Variants in CLOCK observed in about 807,000 individuals in gnomAD.
CLOCK encodes the protein clock circadian regulator, also known as circadian locomoter output cycles protein kaput.
In CLOCK, 43 loss-of-function variants were observed where a neutral mutation model predicts 118.4. That is an observed-to-expected ratio of 0.36 (90% CI 0.28 to 0.47). CLOCK has a LOEUF of 0.47. CLOCK is among the 20% of genes least tolerant of loss of function. The pLI is 1.00. For missense variants in CLOCK, 846 were observed against 999.9 expected, an observed-to-expected ratio of 0.85 and a Z score of 2.08; for synonymous variants, 326 against 339.2, an observed-to-expected ratio of 0.96 and a Z score of 0.43.
rs144280490 is a variant in CLOCK at position 55,440,327 on chromosome 4, C to T, written c.2106-1790G>A. ...AATTCATTAATTTTTCCCTCTTTCC[C>T]TGCTTCCTTTTGCTTTTTGAAATGA... On this transcript the variant is annotated intron_variant, in intron 21 of 22. Coordinates refer to ENST00000513440, the MANE Select transcript of CLOCK (RefSeq NM_004898.4). Among the ~76,000 whole-genome samples, 942 of 152,260 alleles carry T rather than the reference C, an allele frequency of 6.2e-3. 17 individuals are homozygous for T. Among genetic ancestry groups the T allele is most frequent in the African/African-American group, 0.021 (874 of 41,554 alleles).
intron 11 of CLOCK, among the ~76,000 whole-genome samples, chr4:55,457,441 G>C (rs1724996161): frequency 6.6e-6 from 1 of 152,002 alleles, no homozygotes; most frequent in African/African-American, 2.4e-5. Context: ...TCACTGATTT[G>C]CTACAGTGTT....
At chr4:55,453,176 TA>T (rs746844681) in intron 14 of CLOCK, 47 bp from the exon 15 acceptor site, 1 of 1,422,992 alleles carries the variant, frequency 7.0e-7, no homozygotes, top group Non-Finnish European at 9.9e-7. Context: ...GTCATTCGTT[TA>T]AAATACTGCA....
rs1722334483 is a variant in CLOCK, at chr4:55,428,652, A to T, written c.*6763T>A. The T allele has an allele frequency of 6.6e-6, 1 of 152,190 alleles. No individual in the cohort carries two copies. The highest frequency in any genetic ancestry group is 6.5e-5 in the Admixed American group (1 of 15,272). The allele number at this position is 152,190 out of a possible 1,614,324, so 9.4% of individuals were successfully genotyped here. A position where few individuals can be genotyped will look rare whatever the true frequency, so the allele number is the denominator to read the frequency against. On this transcript the variant is annotated 3_prime_UTR_variant, in exon 23 of 23. Transcript: ENST00000513440. ...AGCTACATCTACTTTTTAATTTAAA[A>T]CCAAGAACCAAGCAGTAAGGACAGC...
intron 1 of CLOCK, among the ~76,000 whole-genome samples, chr4:55,511,247 C>T (rs1427143729): frequency 6.6e-6 from 1 of 151,930 alleles, no homozygotes; most frequent in African/African-American, 2.4e-5. Flanking sequence ...TCAATCCTCA[C>T]AACATCACTA....
At chr4:55,542,198 C>T (rs1156741223) in intron 1 of CLOCK, among the ~76,000 whole-genome samples, 10 of 151,162 alleles carry the variant, frequency 6.6e-5, no homozygotes, top group Admixed American at 2.0e-4. Context: ...AAAAATTAGC[C>T]GGGTGTGGTG....
intron 2 of CLOCK, among the ~76,000 whole-genome samples, chr4:55,504,023 G>A (rs1439589495): frequency 4.1e-5 from 5 of 122,786 alleles, no homozygotes; most frequent in South Asian, 3.0e-4. Context: ...AGTGGCTCAC[G>A]CCTGTAATCC....
intron 7 of CLOCK, among the ~76,000 whole-genome samples, chr4:55,473,482 A>C (rs1284261260): frequency 6.6e-6 from 1 of 152,146 alleles, no homozygotes; most frequent in East Asian, 1.9e-4. Context: ...TGCTGAATAC[A>C]TAAAGAATTA....
intron 3 of CLOCK, among the ~76,000 whole-genome samples, chr4:55,488,948 G>C (rs1727488038): frequency 6.6e-6 from 1 of 152,104 alleles, no homozygotes; most frequent in Admixed American, 6.6e-5. Context: ...GCCCAGGCTG[G>C]TATCAAACTT....
intron 1 of CLOCK, 136 bp from the exon 2 acceptor site, chr4:55,510,201 A>G (rs1577826884): frequency 6.6e-6 from 1 of 152,252 alleles, no homozygotes; most frequent in African/African-American, 2.4e-5. Flanking sequence ...GGAATGTGTC[A>G]ATAAATAGAT....
At position 55,452,951 on chromosome 4, in the gene CLOCK, G is replaced by A. The variant is rs986938412; in HGVS notation, c.1206+103C>T. On this transcript the variant is annotated intron_variant, in intron 15 of 22. Transcript: ENST00000513440. ...TAATCACATCCCCGTTATAAGTGAG[G>A]AAATAAAGTATTTTTGAAAAATAGT... is the stretch of plus-strand genomic sequence containing the variant. 90 of 810,802 alleles carry A rather than the reference G, an allele frequency of 1.1e-4. No homozygotes were observed. In the Middle Eastern group the frequency reaches 2.4e-3, roughly 22 times the overall value. 50.2% of individuals were successfully genotyped at this position (810,802 alleles called of 1,614,324 possible).
rs765572874 is a variant in CLOCK, at chr4:55,443,732, A to G, written c.1857T>C (p.Thr619=). 1 of 1,614,104 alleles carries G rather than the reference A, an allele frequency of 6.2e-7. No individual in the cohort carries two copies. The highest frequency in any genetic ancestry group is 1.7e-5 in the Admixed American group (1 of 60,020). The change falls in exon 20 of 23, where the codon ACT becomes ACC. Residue 619 remains threonine (T), a synonymous_variant. Coordinates refer to ENST00000513440, the MANE Select transcript of CLOCK (RefSeq NM_004898.4). ...SGMNTGHIGT[T]QHMIQQQTLQ... is the part of the protein sequence containing the mutation. ...AAGTCTGTTGTTGTATCATGTGCTG[A>G]GTTGTGCCAATGTGTCCAGTATTCA...
chr4:55,464,768 G>A (rs191736804), intron 8 of CLOCK, among the ~76,000 whole-genome samples: 8 of 152,350 alleles, frequency 5.3e-5, no homozygotes, highest in African/African-American at 1.9e-4. Context: ...GAGGCAGTAA[G>A]AATGGTGAGA....
At chr4:55,461,049 T>C (rs1049279648) in intron 9 of CLOCK, among the ~76,000 whole-genome samples, 1 of 151,690 alleles carries the variant, frequency 6.6e-6, no homozygotes, top group Non-Finnish European at 1.5e-5. Flanking sequence ...CAGCCTCGAG[T>C]AGCAGGAACT....
intron 22 of CLOCK, among the ~76,000 whole-genome samples, 173 bp downstream of exon 22, chr4:55,438,109 G>A (rs1723036846): frequency 6.6e-6 from 1 of 152,164 alleles, no homozygotes; most frequent in African/African-American, 2.4e-5. Context: ...GACTGAGCAA[G>A]GGAAGAAAAA....
At chr4:55,511,246 A>G (rs1366659703) in intron 1 of CLOCK, among the ~76,000 whole-genome samples, 1 of 151,950 alleles carries the variant, frequency 6.6e-6, no homozygotes, top group Non-Finnish European at 1.5e-5. Flanking sequence ...TTCAATCCTC[A>G]CAACATCACT....
intron 1 of CLOCK, among the ~76,000 whole-genome samples, chr4:55,539,111 T>C (rs1490059427): frequency 6.6e-6 from 1 of 152,070 alleles, no homozygotes; most frequent in African/African-American, 2.4e-5. Flanking sequence ...AGCACATGCC[T>C]GTAATCCCAG....
Position 55,435,134 on chromosome 4 carries a change from A to G in CLOCK, c.*281T>C. On this transcript the variant is annotated 3_prime_UTR_variant, in exon 23 of 23. Coordinates refer to ENST00000513440, the MANE Select transcript of CLOCK (RefSeq NM_004898.4). ...GGTCATTTCATAGCTGAGCTTCTTAATATTTGGCAATATATTCTTTTTCCA... is the reference window on the plus strand; with the variant it reads ...GGTCATTTCATAGCTGAGCTTCTTAGTATTTGGCAATATATTCTTTTTCCA... The G allele has an allele frequency of 2.3e-6, 1 of 427,708 alleles. No homozygotes were observed. Among genetic ancestry groups the G allele is most frequent in the South Asian group, 2.2e-5 (1 of 45,966 alleles). The allele number at this position is 427,708 out of a possible 1,614,324, so 26.5% of individuals were successfully genotyped here. A position where few individuals can be genotyped will look rare whatever the true frequency, so the allele number is the denominator to read the frequency against.
intron 1 of CLOCK, among the ~76,000 whole-genome samples, chr4:55,539,730 G>GTCCAA (rs1183076051): frequency 6.6e-6 from 1 of 151,988 alleles, no homozygotes. Flanking sequence ...CAACTTCAAT[G>GTCCAA]TCCAACAGAA....
intron 2 of CLOCK, among the ~76,000 whole-genome samples, chr4:55,508,859 T>TG (rs1445456652): frequency 6.6e-6 from 1 of 152,156 alleles, no homozygotes; most frequent in Non-Finnish European, 1.5e-5. Context: ...CCCAAAGTGC[T>TG]GGGGTCTCTG....
Sources: allele counts gnomAD v4.1 joint callset (sites outside exome capture counted in the v4.1 genomes callset), GRCh38; gene constraint gnomAD v4.1.1; transcripts MANE v1.5; gene names NCBI Gene and HGNC (gene_info 2026-07-23, HGNC 2026-07-21).